Variants in ZRANB3 observed in about 807,000 individuals in gnomAD.
ZRANB3 encodes DNA annealing helicase and endonuclease ZRANB3.
Under a neutral mutation model 133.8 loss-of-function variants are expected in ZRANB3, and 125 were observed. The ratio of observed to expected loss-of-function variants is 0.93; its 90% CI spans 0.81 to 1.08. The LOEUF (loss-of-function observed/expected upper bound fraction) is 1.08. Among genes scored for constraint, ZRANB3 ranks in the 50% least tolerant of loss-of-function variants. The pLI is 0.00. For synonymous variants in ZRANB3, 387 were observed against 432.7 expected (o/e 0.89, Z 1.31); for missense variants, 1,229 against 1,275.5 (o/e 0.96, Z 0.56).
intron 6 of ZRANB3, among the ~76,000 whole-genome samples, chr2:135,338,430 C>T (rs756189165): frequency 6.6e-6 from 1 of 152,176 alleles, no homozygotes; most frequent in African/African-American, 2.4e-5. Context: ...CTATGCTGAA[C>T]AGTTAAACTA....
chr2:135,265,953 T>C lies in ZRANB3; in HGVS notation c.1387-267A>G, dbSNP rs567661051. Among the ~76,000 whole-genome samples the C allele has an allele frequency of 7.6e-4, 116 of 152,330 alleles. No homozygotes were observed. In the Middle Eastern group the frequency reaches 0.014, roughly 18 times the overall value. Reference sequence around the variant, plus strand: ...CGCCAGGTGCAGTGGCTCATGCCTGTAATCCCAGTACTTTGGGAGGCCAAG... The same window carrying C: ...CGCCAGGTGCAGTGGCTCATGCCTGCAATCCCAGTACTTTGGGAGGCCAAG... On this transcript the variant is annotated intron_variant, in intron 11 of 20. Transcript: ENST00000264159.
At chr2:135,413,705 C>T (rs970781437) in intron 2 of ZRANB3, among the ~76,000 whole-genome samples, 1 of 152,060 alleles carries the variant, frequency 6.6e-6, no homozygotes, top group African/African-American at 2.4e-5. Context: ...ATTTGATACG[C>T]AACCAAGATA....
intron 2 of ZRANB3, among the ~76,000 whole-genome samples, chr2:135,395,650 G>T (rs1265923423): frequency 6.6e-6 from 1 of 151,938 alleles, no homozygotes; most frequent in Non-Finnish European, 1.5e-5. Flanking sequence ...TTGAGACGGG[G>T]TTTCACCATT....
At chr2:135,215,018 G>C (rs1280533342) in intron 17 of ZRANB3, among the ~76,000 whole-genome samples, 1 of 152,008 alleles carries the variant, frequency 6.6e-6, no homozygotes, top group Non-Finnish European at 1.5e-5. Flanking sequence ...CCTGGGCTCA[G>C]GTGATCCTCC....
rs78589636 is a variant in ZRANB3, at chr2:135,317,122, G to A, written c.678-1592C>T. Among the ~76,000 whole-genome samples, 445 of 151,618 alleles carry A rather than the reference G, an allele frequency of 2.9e-3. 2 individuals carry two copies. The highest frequency in any genetic ancestry group is 0.01 in the African/African-American group (421 of 41,356). ...AAATTTACTTGTTTAAAAAATCTAA[G>A]TGCTGTCACTATATAAAAATTTTTA... On this transcript the variant is annotated intron_variant, in intron 6 of 20. Transcript: ENST00000264159.
At chr2:135,457,962 G>A (rs184948773) in intron 2 of ZRANB3, among the ~76,000 whole-genome samples, 1 of 152,116 alleles carries the variant, frequency 6.6e-6, no homozygotes, top group East Asian at 1.9e-4. Flanking sequence ...GTTTTTAGGT[G>A]TCATATCTAT....
Position 135,217,501 on chromosome 2 carries a change from A to T in ZRANB3, c.2459T>A (p.Ile820Asn). ...ATTTTGTTTGGTTTGTTGCTTTGTG[A>T]TCTCTTCCAAAGCAAGAATTGGGCT... ...FCSPILALEEITKQQTKQNCT... is the reference protein window; with the variant it reads ...FCSPILALEENTKQQTKQNCT... Residue 820 changes from isoleucine to asparagine, a missense_variant, in exon 17 of 21, where the codon ATC becomes AAC. Physicochemically the swap from Ile to Asn is moderately radical, Grantham distance 149. Transcript: ENST00000264159. 1 of 1,612,486 alleles carries T rather than the reference A, an allele frequency of 6.2e-7. No individual in the cohort carries two copies. The highest frequency in any genetic ancestry group is 8.5e-7 in the Non-Finnish European group (1 of 1,179,516).
chr2:135,395,296 C>A (rs1489364440), intron 2 of ZRANB3, among the ~76,000 whole-genome samples: 4 of 152,030 alleles, frequency 2.6e-5, no homozygotes, highest in Non-Finnish European at 5.9e-5. Context: ...TGGATATCTG[C>A]ATTCAGAAGA....
At chr2:135,299,339 T>G (rs567012087) in intron 8 of ZRANB3, among the ~76,000 whole-genome samples, 3 of 152,254 alleles carry the variant, frequency 2.0e-5, no homozygotes, top group South Asian at 4.1e-4. Flanking sequence ...GCAAGGCCAG[T>G]CTCACTCCCA....
chr2:135,428,569 A>G (rs1177277588), intron 2 of ZRANB3, among the ~76,000 whole-genome samples: 1 of 152,230 alleles, frequency 6.6e-6, no homozygotes, highest in African/African-American at 2.4e-5. Context: ...CAGACAACTT[A>G]CAGAATTTTG....
At chr2:135,291,976 T>C (rs936111243) in intron 8 of ZRANB3, among the ~76,000 whole-genome samples, 1 of 152,254 alleles carries the variant, frequency 6.6e-6, no homozygotes, top group Non-Finnish European at 1.5e-5. Context: ...GTGCCACATT[T>C]TCTTAATCCA....
At chr2:135,269,819 T>C (rs1273047576) in intron 10 of ZRANB3, among the ~76,000 whole-genome samples, 2 of 152,146 alleles carry the variant, frequency 1.3e-5, no homozygotes, top group Non-Finnish European at 2.9e-5. Context: ...ATGACTTTAA[T>C]GTTGGTAGGC....
At chr2:135,340,964 C>G (rs1054058616) in intron 6 of ZRANB3, among the ~76,000 whole-genome samples, 5 of 147,388 alleles carry the variant, frequency 3.4e-5, no homozygotes. Flanking sequence ...AGTCTTATAT[C>G]TTTTATCTTC....
chr2:135,261,777 A>C (rs1204944104), intron 12 of ZRANB3, among the ~76,000 whole-genome samples: 1 of 152,218 alleles, frequency 6.6e-6, no homozygotes, highest in Non-Finnish European at 1.5e-5. Flanking sequence ...GAACAGCTAC[A>C]AATCATAGAT....
At chr2:135,294,632 C>T (rs915338634) in intron 8 of ZRANB3, among the ~76,000 whole-genome samples, 1 of 152,118 alleles carries the variant, frequency 6.6e-6, no homozygotes, top group African/African-American at 2.4e-5. Context: ...TTCTTGCCTT[C>T]TGCTAGCTTT....
At chr2:135,381,377 G>A (rs917452207) in intron 3 of ZRANB3, among the ~76,000 whole-genome samples, 19 of 152,316 alleles carry the variant, frequency 1.2e-4, no homozygotes, top group African/African-American at 3.1e-4. Flanking sequence ...CGGAGCCCAC[G>A]GCAGTTCAAT....
rs112712887 is a variant in ZRANB3, at chr2:135,381,606, G to A, written c.180+9196C>T. ...TGGGAGGCACCCCTAAGTAGGGGCA[G>A]ACTGACACCACACATGGCCGGGTAT... On this transcript the variant is annotated intron_variant, in intron 3 of 20. Transcript: ENST00000264159. Among the ~76,000 whole-genome samples the A allele has an allele frequency of 1.0e-3, 155 of 152,296 alleles. 1 individual carries two copies. The highest frequency in any genetic ancestry group is 3.6e-3 in the African/African-American group (150 of 41,562).
In ZRANB3 at chr2:135,511,053, G is replaced by A. The variant is rs535522767; in HGVS notation, c.-7-6557C>T. 9 of 774,926 alleles carry A rather than the reference G, an allele frequency of 1.2e-5. No individual in the cohort carries two copies. The African/African-American group carries it at 1.5e-4, about 13-fold the overall frequency. 48.0% of individuals were successfully genotyped at this position (774,926 alleles called of 1,614,324 possible). On this transcript the variant is annotated intron_variant, in intron 1 of 20. Transcript: ENST00000264159. ...TTCTCACATCCTTTGATCCCTTTGA[G>A]GTTTCTGTGGTGGAATCTGAGATTC...
intron 12 of ZRANB3, among the ~76,000 whole-genome samples, chr2:135,241,885 G>A (rs957150332): frequency 2.0e-5 from 3 of 152,072 alleles, no homozygotes; most frequent in African/African-American, 7.2e-5. Flanking sequence ...GAGTTCATAA[G>A]AGAGACAACT....
Sources: allele counts gnomAD v4.1 joint callset (sites outside exome capture counted in the v4.1 genomes callset), GRCh38; gene constraint gnomAD v4.1.1; transcripts MANE v1.5; gene names NCBI Gene and HGNC (gene_info 2026-07-23, HGNC 2026-07-21).